FAM107B: variants seen among roughly 807,000 people sequenced by gnomAD.
The protein encoded by FAM107B is family with sequence similarity 107 member B.
Under a neutral mutation model 31.5 loss-of-function variants are expected in FAM107B, and 21 were observed. The observed-to-expected ratio is 0.67, with a 90% CI of 0.47 to 0.96. The LOEUF (loss-of-function observed/expected upper bound fraction) is 0.96. Ranked by LOEUF, FAM107B falls within the 40% of genes least tolerant of loss-of-function variation. The pLI is 0.00. For synonymous variants in FAM107B, 157 were observed against 141.5 expected (o/e 1.11, Z -0.78); for missense variants, 452 against 377.1 (o/e 1.20, Z -1.64).
chr10:14,677,381 G>T (rs1854708811), intron 1 of FAM107B, among the ~76,000 whole-genome samples: 1 of 152,176 alleles, frequency 6.6e-6, no homozygotes, highest in South Asian at 2.1e-4. Context: ...CAGCACTTCG[G>T]GAGGCCGAGG....
intron 1 of FAM107B, among the ~76,000 whole-genome samples, chr10:14,685,597 A>G (rs1476248599): frequency 1.3e-5 from 2 of 152,130 alleles, no homozygotes. Context: ...GTAGCTGCCT[A>G]TTGGCTCCTG....
At chr10:14,641,830 C>T (rs1853636106) in intron 2 of FAM107B, among the ~76,000 whole-genome samples, 1 of 152,178 alleles carries the variant, frequency 6.6e-6, no homozygotes, top group Non-Finnish European at 1.5e-5. Context: ...ATCCCTGGCT[C>T]CCCAAATTCA....
chr10:14,567,539 G>GGCAGAGATCAGGATCATAT (rs1850781751), intron 2 of FAM107B, among the ~76,000 whole-genome samples: 1 of 152,166 alleles, frequency 6.6e-6, no homozygotes, highest in African/African-American at 2.4e-5. Context: ...CAGGATCATA[G>GGCAGAGATCAGGATCATAT]AGAGGCAACT....
intron 2 of FAM107B, among the ~76,000 whole-genome samples, chr10:14,656,353 T>C (rs1409819779): frequency 1.3e-5 from 2 of 152,330 alleles, no homozygotes; most frequent in South Asian, 4.1e-4. Context: ...CATGGGTAAA[T>C]TGCAAAAGCA....
chr10:14,580,875 G>A (rs1238312414), intron 2 of FAM107B, among the ~76,000 whole-genome samples: 3 of 152,176 alleles, frequency 2.0e-5, no homozygotes, highest in Non-Finnish European at 4.4e-5. Context: ...GTTCTTCCCA[G>A]AGATCATTTC....
At chr10:14,650,442 T>C (rs1238874851) in intron 2 of FAM107B, among the ~76,000 whole-genome samples, 2 of 152,092 alleles carry the variant, frequency 1.3e-5, no homozygotes, top group Non-Finnish European at 2.9e-5. Flanking sequence ...CCCACCACCA[T>C]GCCTGGCTCA....
intron 2 of FAM107B, among the ~76,000 whole-genome samples, chr10:14,613,923 C>T (rs1030169317): frequency 1.3e-5 from 2 of 151,968 alleles, no homozygotes; most frequent in African/African-American, 4.8e-5. Flanking sequence ...TTGAGGTCAG[C>T]AGTTCGAGAC....
At chr10:14,730,119 T>C (rs2131559171) in intron 1 of FAM107B, among the ~76,000 whole-genome samples, 1 of 152,246 alleles carries the variant, frequency 6.6e-6, no homozygotes, top group East Asian at 1.9e-4. Flanking sequence ...GATGGGTTGA[T>C]AGGTGTAGCA....
intron 2 of FAM107B, among the ~76,000 whole-genome samples, chr10:14,611,329 A>G (rs901390923): frequency 5.3e-5 from 8 of 152,190 alleles, no homozygotes; most frequent in Non-Finnish European, 1.2e-4. Flanking sequence ...AATAACTGAC[A>G]TACAATACAA....
chr10:14,527,525 C>A (rs556381236), intron 3 of FAM107B, among the ~76,000 whole-genome samples: 7 of 152,250 alleles, frequency 4.6e-5, no homozygotes, highest in African/African-American at 1.7e-4. Flanking sequence ...TAAGTCTCCA[C>A]ATAAACTTGC....
chr10:14,631,006 T>G (rs1853340970), intron 2 of FAM107B, among the ~76,000 whole-genome samples: 1 of 152,218 alleles, frequency 6.6e-6, no homozygotes, highest in Non-Finnish European at 1.5e-5. Flanking sequence ...TTTACATTTA[T>G]TGAGAGCCAG....
At chr10:14,555,332 A>T (rs1849602214) in intron 2 of FAM107B, among the ~76,000 whole-genome samples, 1 of 152,242 alleles carries the variant, frequency 6.6e-6, no homozygotes, top group African/African-American at 2.4e-5. Context: ...ATTGATTATA[A>T]AACTGACTAC....
chr10:14,724,944 AAC>A (rs1855996708), intron 1 of FAM107B, among the ~76,000 whole-genome samples: 1 of 152,248 alleles, frequency 6.6e-6, no homozygotes, highest in South Asian at 2.1e-4. Context: ...ACATTTGCAG[AAC>A]CATCCACAAG....
At chr10:14,580,909 C>T (rs1267666905) in intron 2 of FAM107B, among the ~76,000 whole-genome samples, 1 of 152,178 alleles carries the variant, frequency 6.6e-6, no homozygotes, top group Non-Finnish European at 1.5e-5. Context: ...ATTGAGAGCA[C>T]AGTGATTAAA....
At chr10:14,680,187 T>C (rs1854796349) in intron 1 of FAM107B, among the ~76,000 whole-genome samples, 1 of 152,066 alleles carries the variant, frequency 6.6e-6, no homozygotes, top group African/African-American at 2.4e-5. Context: ...CATTCTTGAG[T>C]TCCCAGCATA....
intron 1 of FAM107B, among the ~76,000 whole-genome samples, chr10:14,767,769 G>T (rs889095074): frequency 3.9e-5 from 6 of 152,142 alleles, no homozygotes; most frequent in African/African-American, 1.4e-4. Flanking sequence ...ACAAAACAAG[G>T]ATGCTTACTT....
At chr10:14,538,464 A>G (rs1214216091) in intron 2 of FAM107B, among the ~76,000 whole-genome samples, 1 of 152,254 alleles carries the variant, frequency 6.6e-6, no homozygotes, top group Non-Finnish European at 1.5e-5. Context: ...AAGATGCAGA[A>G]GAGTATATAC....
chr10:14,754,863 G>C (rs1832898131), intron 1 of FAM107B, among the ~76,000 whole-genome samples: 1 of 152,170 alleles, frequency 6.6e-6, no homozygotes, highest in Admixed American at 6.5e-5. Flanking sequence ...ATTACATCCT[G>C]AATATTCACA....
Position 14,585,217 on chromosome 10 carries a change from T to C in FAM107B, c.470-54702A>G, listed in dbSNP as rs143318507. On this transcript the variant is annotated intron_variant, in intron 2 of 4. Coordinates refer to ENST00000181796, the MANE Select transcript of FAM107B (RefSeq NM_031453.4). ...CTGCTTTTGTTGCTTCATTCTTTCC[T>C]TGCTTTGTTTGTGCGTTTTGTCCAA... 8.6e-3 allele frequency among the ~76,000 whole-genome samples: 1,303 copies of C among 152,318 alleles called. 66 individuals carry two copies. Among genetic ancestry groups the C allele is most frequent in the Admixed American group, 0.064 (986 of 15,296 alleles).
Sources: allele counts gnomAD v4.1 joint callset (sites outside exome capture counted in the v4.1 genomes callset), GRCh38; gene constraint gnomAD v4.1.1; transcripts MANE v1.5; gene names NCBI Gene and HGNC (gene_info 2026-07-23, HGNC 2026-07-21).